The following ADGRL4 variants were observed in gnomAD, a reference collection of about 807,000 sequenced individuals.
The protein encoded by ADGRL4 is adhesion G protein-coupled receptor L4.
Under a neutral mutation model 74.8 loss-of-function variants are expected in ADGRL4, and 90 were observed. The ratio of observed to expected loss-of-function variants is 1.20; its 90% CI spans 1.02 to 1.43. The LOEUF is 1.43. Ranked by LOEUF, ADGRL4 falls within the 40% of genes most tolerant of loss-of-function variation. ADGRL4 has a pLI of 0.00. For missense variants in ADGRL4, 881 were observed against 814.3 expected (o/e 1.08, Z -1.00); for synonymous variants, 311 against 279.2 (o/e 1.11, Z -1.14).
At chr1:78,970,113 C>G (rs146880471) in intron 2 of ADGRL4, among the ~76,000 whole-genome samples, 2,182 of 152,256 alleles carry the variant, frequency 0.014, 53 homozygotes, top group African/African-American at 0.05. Flanking sequence ...TCTCTTCCTT[C>G]TTGGAGGAAG....
At chr1:78,986,316 A>T (rs997270425) in intron 2 of ADGRL4, among the ~76,000 whole-genome samples, 1 of 151,818 alleles carries the variant, frequency 6.6e-6, no homozygotes, top group African/African-American at 2.4e-5. Context: ...TGGCGGTGAA[A>T]TCTACAACCA....
chr1:78,978,324 A>G (rs968151130), intron 2 of ADGRL4, among the ~76,000 whole-genome samples: 1 of 151,924 alleles, frequency 6.6e-6, no homozygotes, highest in African/African-American at 2.4e-5. Flanking sequence ...ATTTATTGTC[A>G]TTACTGAACT....
In ADGRL4 at chr1:78,922,917, A is replaced by G. The variant is rs569959446; in HGVS notation, c.1084-1131T>C. On this transcript the variant is annotated intron_variant, in intron 8 of 14. Coordinates refer to ENST00000370742, the MANE Select transcript of ADGRL4 (RefSeq NM_022159.4). Reference sequence around the variant, plus strand: ...CAAAAAGATAAAGTATCAGCTCTTCAAGGATGATAGAAACTCAGATGATTT... The same window carrying G: ...CAAAAAGATAAAGTATCAGCTCTTCGAGGATGATAGAAACTCAGATGATTT... 3.9e-5 allele frequency among the ~76,000 whole-genome samples: 6 copies of G among 152,136 alleles called. No homozygotes were observed. In the East Asian group the frequency reaches 1.2e-3, roughly 30 times the overall value.
chr1:78,985,952 A>T (rs569271812), intron 2 of ADGRL4, among the ~76,000 whole-genome samples: 178 of 151,974 alleles, frequency 1.2e-3, no homozygotes, highest in African/African-American at 4.2e-3. Context: ...GTTCTCCCTT[A>T]TAAGTGGGAG....
intron 4 of ADGRL4, among the ~76,000 whole-genome samples, chr1:78,938,801 T>G (rs1263975629): frequency 6.6e-6 from 1 of 152,096 alleles, no homozygotes; most frequent in Non-Finnish European, 1.5e-5. Flanking sequence ...ATCACCTACT[T>G]TATTTGCTCT....
At chr1:78,990,848 G>A (rs2100734147) in intron 2 of ADGRL4, among the ~76,000 whole-genome samples, 1 of 152,014 alleles carries the variant, frequency 6.6e-6, no homozygotes, top group Non-Finnish European at 1.5e-5. Context: ...TAAAGGTCCA[G>A]AAATAATCTT....
intron 13 of ADGRL4, among the ~76,000 whole-genome samples, chr1:78,892,388 C>A (rs566539347): frequency 6.6e-6 from 1 of 152,166 alleles, no homozygotes; most frequent in African/African-American, 2.4e-5. Flanking sequence ...AAGGACATTG[C>A]CTTGGAAATG....
intron 2 of ADGRL4, among the ~76,000 whole-genome samples, chr1:78,974,997 T>C (rs1057170210): frequency 6.6e-6 from 1 of 152,174 alleles, no homozygotes; most frequent in African/African-American, 2.4e-5. Context: ...ATTCTGCCTA[T>C]CATAGTTACC....
chr1:78,939,126 G>T, intron 4 of ADGRL4, 62 bp downstream of exon 4: 1 of 1,463,742 alleles, frequency 6.8e-7, no homozygotes, highest in South Asian at 1.4e-5. Flanking sequence ...GTGTGACATT[G>T]AAAGCATTTT....
At chr1:78,927,683 C>G (rs1468832864) in intron 7 of ADGRL4, among the ~76,000 whole-genome samples, 1 of 151,992 alleles carries the variant, frequency 6.6e-6, no homozygotes, top group Admixed American at 6.6e-5. Flanking sequence ...ATGCAGTGCA[C>G]CAGCATATAA....
chr1:78,909,687 ACT>A (rs1341841733), intron 12 of ADGRL4, among the ~76,000 whole-genome samples: 1 of 151,742 alleles, frequency 6.6e-6, no homozygotes, highest in Non-Finnish European at 1.5e-5. Flanking sequence ...GAAAGAGAAC[ACT>A]CTCATATATT....
intron 12 of ADGRL4, among the ~76,000 whole-genome samples, chr1:78,896,378 C>G (rs1648400311): frequency 6.6e-6 from 1 of 151,884 alleles, no homozygotes; most frequent in Non-Finnish European, 1.5e-5. Flanking sequence ...CAATCTAACT[C>G]CTCCATTTGG....
chr1:78,999,677 G>A (rs1650797413), intron 2 of ADGRL4, among the ~76,000 whole-genome samples: 1 of 152,086 alleles, frequency 6.6e-6, no homozygotes, highest in Non-Finnish European at 1.5e-5. Context: ...TACAGTCACC[G>A]TGTTCACTTT....
In ADGRL4 at chr1:78,936,418, C is replaced by T. The variant is rs1163185205; in HGVS notation, c.761-7G>A. 6.4e-7 allele frequency: 1 copy of T among 1,558,914 alleles called. No individual in the cohort carries two copies. Among genetic ancestry groups the T allele is most frequent in the Non-Finnish European group, 8.6e-7 (1 of 1,157,620 alleles). On this transcript the variant is annotated splice_polypyrimidine_tract_variant and splice_region_variant and intron_variant, in intron 6 of 14. Transcript: ENST00000370742. ...AAAAAGAAAACTTTGAGAGCTGAAA[C>T]AAAACCATGAAAATAAAAAAAGTGA...
At chr1:78,963,217 T>C (rs1166954920) in intron 2 of ADGRL4, among the ~76,000 whole-genome samples, 1 of 152,220 alleles carries the variant, frequency 6.6e-6, no homozygotes, top group African/African-American at 2.4e-5. Flanking sequence ...ACAAGTTGTT[T>C]AAGGGCTAGC....
intron 2 of ADGRL4, among the ~76,000 whole-genome samples, chr1:78,947,614 T>C (rs1570247667): frequency 6.6e-6 from 1 of 152,078 alleles, no homozygotes; most frequent in Non-Finnish European, 1.5e-5. Flanking sequence ...ATGGCAGCCC[T>C]AGAAAACTGA....
chr1:78,952,089 A>C (rs2100700168), intron 2 of ADGRL4, among the ~76,000 whole-genome samples: 1 of 152,060 alleles, frequency 6.6e-6, no homozygotes, highest in Non-Finnish European at 1.5e-5. Context: ...AATAAAAAGA[A>C]AAAAGAAAAA....
chr1:78,932,015 A>G (rs1649253174), intron 7 of ADGRL4, among the ~76,000 whole-genome samples: 1 of 151,460 alleles, frequency 6.6e-6, no homozygotes, highest in Non-Finnish European at 1.5e-5. Context: ...TATTAGACAG[A>G]TCAATGAGAC....
intron 2 of ADGRL4, among the ~76,000 whole-genome samples, chr1:78,966,638 C>T (rs1190784026): frequency 6.6e-6 from 1 of 152,074 alleles, no homozygotes; most frequent in Non-Finnish European, 1.5e-5. Context: ...AGCAGGGGCT[C>T]CTCACTCCCC....
Sources: gnomAD v4.1 joint callset for allele counts (sites outside exome capture counted in the v4.1 genomes callset) on GRCh38, gnomAD v4.1.1 for gene constraint, MANE v1.5 for transcripts, NCBI Gene and HGNC (gene_info 2026-07-23, HGNC 2026-07-21) for gene names.